The following SEPTIN14 variants were observed in gnomAD, a reference collection of about 807,000 sequenced individuals.
SEPTIN14 encodes the protein septin 14.
In SEPTIN14, 40 loss-of-function variants were observed where a neutral mutation model predicts 53.6. The ratio of observed to expected loss-of-function variants is 0.75; its 90% CI spans 0.58 to 0.97. The LOEUF (loss-of-function observed/expected upper bound fraction) is 0.97. SEPTIN14 is among the 50% of genes least tolerant of loss of function. The pLI is 0.00. For missense variants in SEPTIN14, 471 were observed against 508.2 expected (o/e 0.93, Z 0.70); for synonymous variants, 138 against 166.8 (o/e 0.83, Z 1.33).
In SEPTIN14 at chr7:55,834,576, A is replaced by G; in HGVS notation, c.569T>C (p.Ile190Thr). ...AGTGTCTGCTTTGGCAATCAGTGGT[A>G]TAATATTCACCTATGAAGAAAGAAG... is the stretch of plus-strand genomic sequence containing the variant. ...MKNLDSKVNI[I>T]PLIAKADTIS... The change falls in exon 6 of 10, where the codon ATA (isoleucine) becomes ACA (threonine). Residue 190 changes from isoleucine (I) to threonine (T), a missense_variant. Transcript: ENST00000388975. The G allele has an allele frequency of 6.2e-7, 1 of 1,603,542 alleles. No individual in the cohort carries two copies. Among genetic ancestry groups the G allele is most frequent in the Non-Finnish European group, 8.5e-7 (1 of 1,173,792 alleles).
intron 7 of SEPTIN14, among the ~76,000 whole-genome samples, chr7:55,818,249 A>C (rs1352443296): frequency 1.3e-5 from 2 of 152,106 alleles, no homozygotes; most frequent in Admixed American, 6.6e-5. Flanking sequence ...AGGCAGGTGG[A>C]TCACCGGAGG....
intron 7 of SEPTIN14, among the ~76,000 whole-genome samples, chr7:55,815,871 T>C (rs1443025823): frequency 1.3e-5 from 2 of 152,026 alleles, no homozygotes; most frequent in Non-Finnish European, 1.5e-5. Context: ...GAAAGGAAAG[T>C]AGTATATCAA....
chr7:55,844,500 A>G, intron 4 of SEPTIN14, 23 bp downstream of exon 4: 1 of 1,363,928 alleles, frequency 7.3e-7, no homozygotes, highest in Non-Finnish European at 9.8e-7. Context: ...AACCTTTTTT[A>G]ATTTAAATAA....
In SEPTIN14 at chr7:55,844,569, C is replaced by T. The variant is rs1255213155; in HGVS notation, c.325G>A (p.Val109Ile). 2 of 1,605,264 alleles carry T rather than the reference C, an allele frequency of 1.2e-6. No individual in the cohort carries two copies. The highest frequency in any genetic ancestry group is 1.7e-5 in the Admixed American group (1 of 59,840). The change falls in exon 4 of 10, where the codon GTT becomes ATT. Residue 109 changes from valine to isoleucine, a missense_variant. By Grantham distance (29) the Val-to-Ile change is conservative (BLOSUM62 3). Transcript: ENST00000388975. The part of the protein sequence containing the change: ...QESNVQLKLT[V>I]VETVGYGDQI... The stretch of plus-strand genomic sequence containing the variant: ...TCACCATACCCTACTGTCTCCACAA[C>T]AGTCAATTTCAACTGAACATTGCTT...
At chr7:55,862,519 T>C (rs892331028) in intron 1 of SEPTIN14, among the ~76,000 whole-genome samples, 169 bp downstream of exon 1, 1 of 152,202 alleles carries the variant, frequency 6.6e-6, no homozygotes, top group Non-Finnish European at 1.5e-5. Context: ...TGAACTAAAA[T>C]AATGATAATT....
chr7:55,822,074 A>C (rs998500189), intron 6 of SEPTIN14, among the ~76,000 whole-genome samples: 1 of 152,150 alleles, frequency 6.6e-6, no homozygotes, highest in Admixed American at 6.6e-5. Context: ...CACAGGAAAG[A>C]CCAGCCCCCA....
At chr7:55,855,618 C>T (rs969652478) in intron 2 of SEPTIN14, among the ~76,000 whole-genome samples, 6 of 151,982 alleles carry the variant, frequency 3.9e-5, no homozygotes, top group Admixed American at 6.6e-5. Context: ...TGCAGTGGTG[C>T]GATCTCGGCT....
chr7:55,837,075 T>C (rs929653672), intron 5 of SEPTIN14, among the ~76,000 whole-genome samples: 1 of 151,718 alleles, frequency 6.6e-6, no homozygotes, highest in Non-Finnish European at 1.5e-5. Context: ...GTATATTGCT[T>C]TTCTATATTT....
In SEPTIN14 at chr7:55,819,407, G is replaced by A. The variant is rs574765636; in HGVS notation, c.721-184C>T. On this transcript the variant is annotated intron_variant, in intron 6 of 9. Coordinates refer to ENST00000388975, the MANE Select transcript of SEPTIN14 (RefSeq NM_207366.3). ...GATCGAGACCATCCTGGCTATCATG[G>A]CGGAACCCCATCTCTACTAAATATA... Among the ~76,000 whole-genome samples the A allele has an allele frequency of 2.0e-5, 3 of 152,206 alleles. No individual in the cohort carries two copies. In the South Asian group the frequency reaches 6.2e-4, roughly 32 times the overall value.
Position 55,795,682 on chromosome 7 carries a change from G to A in SEPTIN14, c.*231C>T, listed in dbSNP as rs1788419542. On this transcript the variant is annotated 3_prime_UTR_variant, in exon 10 of 10. Transcript: ENST00000388975. ...AGGGTTTCATCATTTTGGTCAGGCT[G>A]GTTTTGAACTCCTGACCTCAGGTGG... is the stretch of plus-strand genomic sequence containing the variant. 2 of 495,606 alleles carry A rather than the reference G, an allele frequency of 4.0e-6. No individual in the cohort carries two copies. Among genetic ancestry groups the A allele is most frequent in the African/African-American group, 3.9e-5 (2 of 50,960 alleles). The allele number at this position is 495,606 out of a possible 1,614,324, so 30.7% of individuals were successfully genotyped here.
At chr7:55,860,900 A>G (rs560102202) in intron 2 of SEPTIN14, among the ~76,000 whole-genome samples, 94 of 152,308 alleles carry the variant, frequency 6.2e-4, no homozygotes, top group African/African-American at 2.2e-3. Context: ...ATCCTCTAGA[A>G]CTGTGAACAA....
At chr7:55,842,903 G>A (rs746055752) in intron 5 of SEPTIN14, 39 bp downstream of exon 5, 19 of 1,344,142 alleles carry the variant, frequency 1.4e-5, no homozygotes, top group South Asian at 9.4e-5. Flanking sequence ...GGGAGACTCC[G>A]TCTCAAAAAA....
intron 7 of SEPTIN14, among the ~76,000 whole-genome samples, chr7:55,812,952 G>GA (rs1788726796): frequency 6.7e-6 from 1 of 150,272 alleles, no homozygotes; most frequent in African/African-American, 2.4e-5. Flanking sequence ...CACGACAGGA[G>GA]CCTTTTTTTT....
chr7:55,820,444 C>T (rs1032648669), intron 6 of SEPTIN14, among the ~76,000 whole-genome samples: 2 of 152,132 alleles, frequency 1.3e-5, no homozygotes, highest in Admixed American at 1.3e-4. Flanking sequence ...GTTACAGTTA[C>T]CTGTTACATT....
chr7:55,828,062 G>C (rs773000232), intron 6 of SEPTIN14, among the ~76,000 whole-genome samples: 4 of 150,900 alleles, frequency 2.7e-5, no homozygotes, highest in Non-Finnish European at 4.4e-5. Flanking sequence ...CACTACCAAA[G>C]GACACACTAG....
At position 55,805,301 on chromosome 7, in the gene SEPTIN14, C is replaced by T. The variant is rs372753552; in HGVS notation, c.1076G>A (p.Arg359Gln). 61 of 1,612,050 alleles carry T rather than the reference C, an allele frequency of 3.8e-5. No individual in the cohort carries two copies. Among genetic ancestry groups the T allele is most frequent in the African/African-American group, 5.3e-5 (4 of 74,816 alleles). Reference protein sequence around the residue: ...EEELKQRFMQRVKEKEATFKE... With the variant: ...EEELKQRFMQQVKEKEATFKE... Reference sequence around the variant, plus strand: ...AAATGTTGCTTCTTTCTCCTTGACTCGCTGCATAAATCTCTGTTTCAACTC... The same window carrying T: ...AAATGTTGCTTCTTTCTCCTTGACTTGCTGCATAAATCTCTGTTTCAACTC... The change falls in exon 9 of 10, where the codon CGA (arginine) becomes CAA (glutamine). Residue 359 changes from arginine to glutamine, a missense_variant. Coordinates refer to ENST00000388975, the MANE Select transcript of SEPTIN14 (RefSeq NM_207366.3).
Position 55,832,188 on chromosome 7 carries a change from G to A in SEPTIN14, c.720+2237C>T, listed in dbSNP as rs532173270. Among the ~76,000 whole-genome samples, 5 of 145,250 alleles carry A rather than the reference G, an allele frequency of 3.4e-5. No homozygotes were observed. In the South Asian group the frequency reaches 1.1e-3, roughly 33 times the overall value. On this transcript the variant is annotated intron_variant, in intron 6 of 9. Coordinates refer to ENST00000388975, the MANE Select transcript of SEPTIN14 (RefSeq NM_207366.3). ...TGAACTCCAGCCTGAGTGACAGGGC[G>A]AGACTCTGTCTCAAACACACACACA...
In SEPTIN14 at chr7:55,816,642, C is replaced by CAA. The variant is rs763100495; in HGVS notation, c.817+2483_817+2484dup. Among the ~76,000 whole-genome samples the CAA allele has an allele frequency of 3.3e-3, 390 of 119,590 alleles. 4 individuals are homozygous for CAA. The highest frequency in any genetic ancestry group is 0.012 in the Middle Eastern group (3 of 246). The allele number at this position is 119,590 out of a possible 152,430, so 78.5% of individuals were successfully genotyped here. A position where few individuals can be genotyped will look rare whatever the true frequency, so the allele number is the denominator to read the frequency against. On this transcript the variant is annotated intron_variant, in intron 7 of 9. Coordinates refer to ENST00000388975, the MANE Select transcript of SEPTIN14 (RefSeq NM_207366.3). Reference sequence around the variant, plus strand: ...CAAAACCCTGTCTCTACTAAAAATACAAAAAAAAAAAAAAATTACCCAGGC... The same window carrying CAA: ...CAAAACCCTGTCTCTACTAAAAATACAAAAAAAAAAAAAAAAATTACCCAGGC...
chr7:55,840,872 T>A, intron 5 of SEPTIN14, among the ~76,000 whole-genome samples: 1 of 151,996 alleles, frequency 6.6e-6, no homozygotes, highest in Non-Finnish European at 1.5e-5. Flanking sequence ...ATACTGTACC[T>A]TTGCTTTTTG....
Sources: allele counts gnomAD v4.1 joint callset (sites outside exome capture counted in the v4.1 genomes callset), GRCh38; gene constraint gnomAD v4.1.1; transcripts MANE v1.5; gene names NCBI Gene and HGNC (gene_info 2026-07-23, HGNC 2026-07-21).